The following FGF12 variants were observed in gnomAD, a reference collection of about 807,000 sequenced individuals.
The protein encoded by FGF12 is fibroblast growth factor 12, also known as fibroblast growth factor 12B.
FGF12 carries 14 observed loss-of-function variants against 23.6 expected under a neutral mutation model. That is an observed-to-expected ratio of 0.59 (90% CI 0.39 to 0.93). FGF12 has a LOEUF of 0.93. FGF12 is among the 40% of genes least tolerant of loss of function. The pLI is 0.00. For synonymous variants in FGF12, 62 were observed against 77.3 expected, an observed-to-expected ratio of 0.80 and a Z score of 1.04; for missense variants, 175 against 217.8, an observed-to-expected ratio of 0.80 and a Z score of 1.24.
chr3:192,712,866 C>G (rs953482820), intron 2 of FGF12, among the ~76,000 whole-genome samples: 3 of 151,950 alleles, frequency 2.0e-5, no homozygotes, highest in Admixed American at 2.0e-4. Flanking sequence ...AAAAGAGACC[C>G]TGGGACCAAA....
At chr3:192,545,029 C>T (rs559505957) in intron 2 of FGF12, among the ~76,000 whole-genome samples, 1 of 152,220 alleles carries the variant, frequency 6.6e-6, no homozygotes, top group South Asian at 2.1e-4. Flanking sequence ...AATCAGTAAG[C>T]TGGTACAAAG....
At chr3:192,318,929 G>C (rs1716383770) in intron 4 of FGF12, among the ~76,000 whole-genome samples, 2 of 152,040 alleles carry the variant, frequency 1.3e-5, no homozygotes, top group African/African-American at 4.8e-5. Context: ...GCCAAGAGGA[G>C]TGAATGGCAT....
intron 2 of FGF12, among the ~76,000 whole-genome samples, chr3:192,628,714 TATAC>T (rs1560174424): frequency 1.3e-5 from 2 of 149,710 alleles, no homozygotes; most frequent in African/African-American, 2.4e-5. Flanking sequence ...CACATAAATA[TATAC>T]ATAAATACAT....
chr3:192,609,623 C>A (rs1222550560), intron 2 of FGF12, among the ~76,000 whole-genome samples: 1 of 152,004 alleles, frequency 6.6e-6, no homozygotes, highest in Non-Finnish European at 1.5e-5. Flanking sequence ...AGGAAAGACA[C>A]AGTTACCGTG....
chr3:192,308,193 C>A (rs1024703318), intron 4 of FGF12, among the ~76,000 whole-genome samples: 1 of 152,002 alleles, frequency 6.6e-6, no homozygotes, highest in Non-Finnish European at 1.5e-5. Context: ...ACGTGAAAAA[C>A]CAGACAGTAA....
At chr3:192,414,003 T>C (rs1302704611) in intron 2 of FGF12, among the ~76,000 whole-genome samples, 1 of 152,210 alleles carries the variant, frequency 6.6e-6, no homozygotes, top group Non-Finnish European at 1.5e-5. Context: ...CATGGTGCTT[T>C]ATTCAACAAT....
chr3:192,224,794 A>G (rs776801495), intron 4 of FGF12, among the ~76,000 whole-genome samples: 20 of 152,192 alleles, frequency 1.3e-4, no homozygotes, highest in Non-Finnish European at 2.5e-4. Context: ...AACTGTACAT[A>G]ATCCTCAGAG....
intron 2 of FGF12, among the ~76,000 whole-genome samples, chr3:192,456,598 C>A (rs530419169): frequency 6.6e-6 from 1 of 151,914 alleles, no homozygotes; most frequent in Non-Finnish European, 1.5e-5. Context: ...ACTCCTAATA[C>A]GTATCCACAA....
intron 4 of FGF12, among the ~76,000 whole-genome samples, chr3:192,196,040 T>C (rs1216821927): frequency 6.6e-6 from 1 of 152,196 alleles, no homozygotes; most frequent in East Asian, 1.9e-4. Context: ...CAGCCTTTGG[T>C]AACCACTATT....
chr3:192,149,898 C>T (rs1713954649), intron 5 of FGF12, among the ~76,000 whole-genome samples: 1 of 104,340 alleles, frequency 9.6e-6, no homozygotes, highest in Non-Finnish European at 2.1e-5. Context: ...ACACTGACTT[C>T]CACAATGGTT....
intron 2 of FGF12, among the ~76,000 whole-genome samples, chr3:192,420,292 G>A (rs1721483438): frequency 6.6e-6 from 1 of 150,684 alleles, no homozygotes; most frequent in Admixed American, 6.7e-5. Flanking sequence ...ATTAGAGAGT[G>A]TGAAAAGGAA....
intron 2 of FGF12, among the ~76,000 whole-genome samples, chr3:192,578,001 C>T (rs1022407320): frequency 6.6e-6 from 1 of 152,088 alleles, no homozygotes; most frequent in African/African-American, 2.4e-5. Context: ...ATAGCAAGGT[C>T]TAGTGAAAGG....
intron 2 of FGF12, among the ~76,000 whole-genome samples, chr3:192,612,541 C>T (rs1352600280): frequency 6.6e-6 from 1 of 151,666 alleles, no homozygotes; most frequent in Non-Finnish European, 1.5e-5. Context: ...TTATGATAAA[C>T]CTAGATGGTG....
chr3:192,634,051 A>G (rs1317195311), intron 2 of FGF12, among the ~76,000 whole-genome samples: 1 of 152,188 alleles, frequency 6.6e-6, no homozygotes, highest in African/African-American at 2.4e-5. Flanking sequence ...CTGTCTCCTC[A>G]ATTACCATAG....
At chr3:192,323,725 G>C (rs1716666987) in intron 4 of FGF12, among the ~76,000 whole-genome samples, 1 of 152,166 alleles carries the variant, frequency 6.6e-6, no homozygotes, top group Admixed American at 6.6e-5. Flanking sequence ...CACAAAGAAA[G>C]GGTAAGTGTT....
intron 5 of FGF12, among the ~76,000 whole-genome samples, chr3:192,146,270 A>T (rs931839275): frequency 7.6e-5 from 7 of 92,162 alleles, no homozygotes; most frequent in South Asian, 3.2e-4. Context: ...ATTAAAGTGT[A>T]TATTTTTTTT....
intron 4 of FGF12, among the ~76,000 whole-genome samples, chr3:192,195,388 A>G (rs1717013799): frequency 6.6e-6 from 1 of 152,236 alleles, no homozygotes; most frequent in African/African-American, 2.4e-5. Flanking sequence ...ATTTAGGTCA[A>G]AAACAGAGCA....
At chr3:192,367,477 C>T (rs1719035144) in intron 2 of FGF12, among the ~76,000 whole-genome samples, 2 of 152,154 alleles carry the variant, frequency 1.3e-5, no homozygotes, top group Non-Finnish European at 2.9e-5. Flanking sequence ...TAAGCAAATA[C>T]ATTTCTGACC....
At chr3:192,266,823 C>T (rs995501004) in intron 4 of FGF12, among the ~76,000 whole-genome samples, 1 of 151,684 alleles carries the variant, frequency 6.6e-6, no homozygotes, top group African/African-American at 2.4e-5. Context: ...CACACACACA[C>T]ATACACTACC....
Sources: gnomAD v4.1 joint callset for allele counts (sites outside exome capture counted in the v4.1 genomes callset) on GRCh38, gnomAD v4.1.1 for gene constraint, MANE v1.5 for transcripts, NCBI Gene and HGNC (gene_info 2026-07-23, HGNC 2026-07-21) for gene names.